The following TEX14 variants were observed in gnomAD, a reference collection of about 807,000 sequenced individuals.
The protein encoded by TEX14 is inactive serine/threonine-protein kinase TEX14.
Under a neutral mutation model 178.6 loss-of-function variants are expected in TEX14, and 168 were observed. That is an observed-to-expected ratio of 0.94 (90% confidence interval 0.83 to 1.07). The LOEUF (loss-of-function observed/expected upper bound fraction) is 1.07, where lower values mean the gene tolerates loss of function less well. Ranked by LOEUF, TEX14 falls within the 50% of genes least tolerant of loss-of-function variation. The pLI is 0.00. For missense variants in TEX14, 1,730 were observed against 1,753.6 expected, an observed-to-expected ratio of 0.99 and a Z score of 0.24; for synonymous variants, 626 against 634.1, an observed-to-expected ratio of 0.99 and a Z score of 0.19.
In TEX14 at chr17:58,599,014, C is replaced by G. The variant is rs750736796; in HGVS notation, c.2331G>C (p.Glu777Asp). The change falls in exon 14 of 32, where the codon GAG (glutamate) becomes GAC (aspartate). Residue 777 changes from glutamate (E) to aspartate (D), a missense_variant. Physicochemically the swap from Glu to Asp is conservative, Grantham distance 45. This residue lies in a region of TEX14 where 941 missense variants were observed against 1,072.4 expected (regional missense o/e 0.88). Coordinates refer to ENST00000349033, the MANE Select transcript of TEX14 (RefSeq NM_031272.5). ...GAGGTAACTTGTAGGCATTTGTAAA[C>G]TCTCTTGAAGTGGCCCATAAAGACA... is the stretch of plus-strand genomic sequence containing the variant. ...ERMSLWATSR[E>D]FTNAYKLPLA... The G allele has an allele frequency of 6.2e-7, 1 of 1,614,168 alleles. No homozygotes were observed. Among genetic ancestry groups the G allele is most frequent in the Non-Finnish European group, 8.5e-7 (1 of 1,180,026 alleles).
chr17:58,616,427 A>AT (rs978146193), intron 6 of TEX14, 122 bp from the exon 7 acceptor site: 1 of 1,190,684 alleles, frequency 8.4e-7, no homozygotes, highest in African/African-American at 1.7e-5. Flanking sequence ...GAATACCCCT[A>AT]TGCACTGGGC....
intron 1 of TEX14, among the ~76,000 whole-genome samples, chr17:58,678,475 C>T (rs1421330813): frequency 1.3e-5 from 2 of 152,050 alleles, no homozygotes; most frequent in Non-Finnish European, 2.9e-5. Context: ...CACATATACA[C>T]CACGGAACAC....
At chr17:58,682,738 A>G (rs1408432951) in intron 1 of TEX14, among the ~76,000 whole-genome samples, 1 of 152,200 alleles carries the variant, frequency 6.6e-6, no homozygotes, top group Non-Finnish European at 1.5e-5. Flanking sequence ...ATGTTTCACA[A>G]AAATTTCATT....
intron 14 of TEX14, among the ~76,000 whole-genome samples, chr17:58,594,932 G>T (rs1180738623): frequency 6.6e-6 from 1 of 152,078 alleles, no homozygotes; most frequent in Non-Finnish European, 1.5e-5. Flanking sequence ...TGGAGTTTGA[G>T]ATGGGAGCAA....
At chr17:58,682,071 C>G (rs1303673628) in intron 1 of TEX14, among the ~76,000 whole-genome samples, 6 of 151,936 alleles carry the variant, frequency 3.9e-5, no homozygotes, top group African/African-American at 1.2e-4. Flanking sequence ...AAGTGAGCCT[C>G]CTGAGTAGCT....
At position 58,578,022 on chromosome 17, in the gene TEX14, G is replaced by A. The variant is rs143234681; in HGVS notation, c.3239-566C>T. Among the ~76,000 whole-genome samples, 878 of 152,246 alleles carry A rather than the reference G, an allele frequency of 5.8e-3. 5 individuals carry two copies. The highest frequency in any genetic ancestry group is 9.3e-3 in the African/African-American group (385 of 41,522). On this transcript the variant is annotated intron_variant, in intron 20 of 31. Coordinates refer to ENST00000349033, the MANE Select transcript of TEX14 (RefSeq NM_031272.5). The stretch of plus-strand genomic sequence containing the variant: ...AAGATGCTTTGCTCCAGGCAGGCAG[G>A]GCCAGTATCCATTTTCCTTCCCACC...
At chr17:58,579,504 C>T (rs577979421) in intron 20 of TEX14, among the ~76,000 whole-genome samples, 161 bp downstream of exon 20, 1 of 152,180 alleles carries the variant, frequency 6.6e-6, no homozygotes, top group Non-Finnish European at 1.5e-5. Flanking sequence ...GGGATTTGTT[C>T]TATTGAGGAG....
chr17:58,645,344 G>C (rs1240255800), intron 2 of TEX14, among the ~76,000 whole-genome samples: 1 of 150,176 alleles, frequency 6.7e-6, no homozygotes, highest in Non-Finnish European at 1.5e-5. Flanking sequence ...ATAACTCATA[G>C]ATATATTATG....
intron 5 of TEX14, among the ~76,000 whole-genome samples, chr17:58,619,823 G>A (rs2045957668): frequency 6.6e-6 from 1 of 151,796 alleles, no homozygotes. Flanking sequence ...AAAAGGTGGG[G>A]GAAGAGGAGT....
chr17:58,612,944 G>A (rs1370461776), intron 9 of TEX14, among the ~76,000 whole-genome samples: 2 of 151,938 alleles, frequency 1.3e-5, no homozygotes, highest in Non-Finnish European at 2.9e-5. Flanking sequence ...GCTCACGCCT[G>A]CAATCCCAGC....
In TEX14 at chr17:58,620,215, C is replaced by A. The variant is rs557997701; in HGVS notation, c.554+1435G>T. ...ATGAAGGGGGAGGGCTTGGATGAGGCAGGGTCTCCAAGGCCGGATAAGGGA... is the reference window on the plus strand; with the variant it reads ...ATGAAGGGGGAGGGCTTGGATGAGGAAGGGTCTCCAAGGCCGGATAAGGGA... On this transcript the variant is annotated intron_variant, in intron 5 of 31. Transcript: ENST00000349033. 2.0e-5 allele frequency among the ~76,000 whole-genome samples: 3 copies of A among 152,314 alleles called. No homozygotes were observed. In the South Asian group the frequency reaches 6.2e-4, roughly 32 times the overall value.
At position 58,655,031 on chromosome 17, in the gene TEX14, CT is replaced by C. The variant is rs1188938621; in HGVS notation, c.-1-3030del. Among the ~76,000 whole-genome samples the C allele has an allele frequency of 7.8e-3, 1,022 of 130,798 alleles. 8 individuals are homozygous for C. Among genetic ancestry groups the C allele is most frequent in the Middle Eastern group, 0.012 (3 of 248 alleles). The allele number at this position is 130,798 out of a possible 152,430, so 85.8% of individuals were successfully genotyped here. On this transcript the variant is annotated intron_variant, in intron 1 of 31. Transcript: ENST00000349033. The stretch of plus-strand genomic sequence containing the variant: ...ACCAGTTGCAGAAATAAACTCCCTT[CT>C]TTTTTTTTTTTTTTTTTCCTGAGAC...
chr17:58,631,070 C>A, intron 2 of TEX14: 1 of 630,658 alleles, frequency 1.6e-6, no homozygotes, highest in Non-Finnish European at 2.0e-6. Flanking sequence ...AGTAACATGA[C>A]CAGGAAAATA....
At chr17:58,682,649 T>C (rs575977872) in intron 1 of TEX14, among the ~76,000 whole-genome samples, 43 of 151,308 alleles carry the variant, frequency 2.8e-4, no homozygotes, top group African/African-American at 1.0e-3. Context: ...GCTGGGATTA[T>C]AGGCGTGAGC....
At chr17:58,591,437 G>C (rs2045138640) in intron 15 of TEX14, among the ~76,000 whole-genome samples, 1 of 152,168 alleles carries the variant, frequency 6.6e-6, no homozygotes, top group South Asian at 2.1e-4. Context: ...AGAATCGCTT[G>C]AACCTGGGAG....
At chr17:58,622,731 G>C in intron 4 of TEX14, 116 bp downstream of exon 4, 14 of 1,047,486 alleles carry the variant, frequency 1.3e-5, no homozygotes, top group Non-Finnish European at 1.9e-5. Flanking sequence ...ATCCAAGCCT[G>C]AGACTCCAGT....
At chr17:58,557,929 T>G in intron 30 of TEX14, 79 bp from the exon 31 acceptor site, 2 of 1,079,322 alleles carry the variant, frequency 1.9e-6, no homozygotes, top group Non-Finnish European at 2.8e-6. Context: ...ATATTAGTGC[T>G]CCCTCTAATT....
chr17:58,665,904 A>G (rs2047194665), intron 1 of TEX14, among the ~76,000 whole-genome samples: 1 of 151,842 alleles, frequency 6.6e-6, no homozygotes, highest in Non-Finnish European at 1.5e-5. Context: ...AAAACTAGCC[A>G]CGCGTGGTGG....
intron 3 of TEX14, among the ~76,000 whole-genome samples, chr17:58,623,837 G>A (rs935222327): frequency 2.0e-5 from 3 of 151,366 alleles, no homozygotes; most frequent in African/African-American, 7.3e-5. Flanking sequence ...GGGAGGCAGA[G>A]GAGGAGGAGG....
Sources: gnomAD v4.1 joint callset for allele counts (sites outside exome capture counted in the v4.1 genomes callset) on GRCh38, gnomAD v4.1.1 for gene constraint, gnomAD v4.1.1 regional missense constraint, MANE v1.5 for transcripts, NCBI Gene and HGNC (gene_info 2026-07-23, HGNC 2026-07-21) for gene names.